ANO6: variants seen among roughly 807,000 people sequenced by gnomAD.
ANO6 encodes the protein anoctamin 6.
ANO6 carries 106 observed loss-of-function variants against 117.5 expected under a neutral mutation model. The observed-to-expected ratio is 0.90, with a 90% CI of 0.77 to 1.06. The LOEUF (loss-of-function observed/expected upper bound fraction) is 1.06. Among genes scored for constraint, ANO6 ranks in the 50% least tolerant of loss-of-function variants. ANO6 has a pLI of 0.00. For missense variants in ANO6, 955 were observed against 1,121.1 expected, an observed-to-expected ratio of 0.85 and a Z score of 2.12; for synonymous variants, 367 against 385.1, an observed-to-expected ratio of 0.95 and a Z score of 0.55.
At chr12:45,247,933 A>C (rs1483732186) in intron 1 of ANO6, among the ~76,000 whole-genome samples, 2 of 152,226 alleles carry the variant, frequency 1.3e-5, no homozygotes, top group Non-Finnish European at 2.9e-5. Flanking sequence ...AGATATAAGC[A>C]TGAACAGATA....
chr12:45,251,038 CT>C (rs1947893879), intron 1 of ANO6, among the ~76,000 whole-genome samples: 1 of 151,596 alleles, frequency 6.6e-6, no homozygotes, highest in South Asian at 2.1e-4. Context: ...GCGCTTCAAC[CT>C]GGGCAACAGA....
Position 45,216,257 on chromosome 12 carries a change from C to T in ANO6, c.-65C>T. On this transcript the variant is annotated 5_prime_UTR_variant, in exon 1 of 20. Coordinates refer to ENST00000320560, the MANE Select transcript of ANO6 (RefSeq NM_001025356.3). ...CCCGATCCGGCCCCTGGGAGAGCCG[C>T]GCCGTTCTGGAACCCGGGAGCCCCC... 1 of 1,541,800 alleles carries T rather than the reference C, an allele frequency of 6.5e-7. No individual in the cohort carries two copies. Among genetic ancestry groups the T allele is most frequent in the Non-Finnish European group, 8.8e-7 (1 of 1,135,842 alleles).
At chr12:45,314,642 T>C (rs1292447605) in intron 2 of ANO6, among the ~76,000 whole-genome samples, 1 of 151,816 alleles carries the variant, frequency 6.6e-6, no homozygotes, top group Admixed American at 6.6e-5. Flanking sequence ...AAGACTACAT[T>C]TTGGGAGGTA....
intron 2 of ANO6, among the ~76,000 whole-genome samples, chr12:45,308,031 C>CTGTGTG (rs530448808): frequency 8.5e-6 from 1 of 117,702 alleles, no homozygotes; most frequent in Admixed American, 1.1e-4. Flanking sequence ...GTGTGTGTGT[C>CTGTGTG]TGTGTGTGTG....
chr12:45,265,655 C>G (rs531983293), intron 1 of ANO6, among the ~76,000 whole-genome samples: 2 of 152,268 alleles, frequency 1.3e-5, no homozygotes, highest in East Asian at 3.9e-4. Flanking sequence ...CTTGTCATTT[C>G]TCTACCACCT....
intron 15 of ANO6, 138 bp from the exon 16 acceptor site, chr12:45,409,218 TA>T: frequency 8.6e-7 from 1 of 1,158,136 alleles, no homozygotes; most frequent in East Asian, 2.6e-5. Context: ...GAGGCAGAAA[TA>T]AAAACAAATT....
At chr12:45,409,883 G>A (rs1943042130) in intron 16 of ANO6, among the ~76,000 whole-genome samples, 1 of 152,122 alleles carries the variant, frequency 6.6e-6, no homozygotes, top group African/African-American at 2.4e-5. Flanking sequence ...AGCCTCCTGA[G>A]TAGCCGGGAT....
At chr12:45,407,940 A>T (rs1942983865) in intron 15 of ANO6, among the ~76,000 whole-genome samples, 1 of 152,052 alleles carries the variant, frequency 6.6e-6, no homozygotes, top group South Asian at 2.1e-4. Context: ...TGCCTCTCTA[A>T]CATCATCAAA....
intron 2 of ANO6, among the ~76,000 whole-genome samples, chr12:45,318,479 C>T (rs555184175): frequency 1.3e-5 from 2 of 152,174 alleles, no homozygotes; most frequent in Admixed American, 6.5e-5. Context: ...TTCCATTGGT[C>T]GATATCTCTG....
chr12:45,336,219 T>G (rs1940820287), intron 3 of ANO6, among the ~76,000 whole-genome samples: 1 of 152,074 alleles, frequency 6.6e-6, no homozygotes, highest in African/African-American at 2.4e-5. Context: ...CAAATGCTTT[T>G]TCTTATATCT....
At chr12:45,337,871 CAT>C (rs999124348) in intron 3 of ANO6, among the ~76,000 whole-genome samples, 50 of 151,972 alleles carry the variant, frequency 3.3e-4, no homozygotes, top group African/African-American at 9.4e-4. Flanking sequence ...TATTTTAAAA[CAT>C]GTTATACATA....
rs577018247 is a variant in ANO6 at position 45,365,835 on chromosome 12, G to C, written c.999-1853G>C. On this transcript the variant is annotated intron_variant, in intron 8 of 19. Coordinates refer to ENST00000320560, the MANE Select transcript of ANO6 (RefSeq NM_001025356.3). ...CAAGCACTTGCTCCTCAGATGACAT[G>C]AAGCACTTGCTCCTCAGATGACATC... Among the ~76,000 whole-genome samples the C allele has an allele frequency of 8.0e-5, 12 of 149,090 alleles. No individual in the cohort carries two copies. The South Asian group carries it at 9.1e-4, about 11-fold the overall frequency.
chr12:45,395,741 C>CACATGAT (rs1942593089), intron 12 of ANO6, among the ~76,000 whole-genome samples: 1 of 152,158 alleles, frequency 6.6e-6, no homozygotes, highest in Non-Finnish European at 1.5e-5. Flanking sequence ...TGACAAAAAC[C>CACATGAT]ACATGATTAT....
intron 1 of ANO6, among the ~76,000 whole-genome samples, chr12:45,239,065 T>G (rs982236279): frequency 6.6e-6 from 1 of 152,256 alleles, no homozygotes; most frequent in Non-Finnish European, 1.5e-5. Flanking sequence ...TAAAATGAGT[T>G]AGGGAGGATT....
chr12:45,311,672 A>G lies in ANO6; in HGVS notation c.150+9579A>G, dbSNP rs186821388. On this transcript the variant is annotated intron_variant, in intron 2 of 19. Coordinates refer to ENST00000320560, the MANE Select transcript of ANO6 (RefSeq NM_001025356.3). ...GAGCAACTAGATTTCATTTCAGTAG[A>G]AAGATTTTGTCATAATTAAAATACC... Among the ~76,000 whole-genome samples the G allele has an allele frequency of 1.8e-4, 28 of 152,180 alleles. No homozygotes were observed. In the East Asian group the frequency reaches 5.4e-3, roughly 29 times the overall value.
intron 1 of ANO6, among the ~76,000 whole-genome samples, chr12:45,298,691 T>C (rs1939378729): frequency 6.6e-6 from 1 of 152,236 alleles, no homozygotes; most frequent in Non-Finnish European, 1.5e-5. Context: ...AATCTATTAG[T>C]TTCCATTACC....
intron 1 of ANO6, among the ~76,000 whole-genome samples, chr12:45,293,517 C>A (rs999920111): frequency 4.6e-5 from 7 of 151,786 alleles, no homozygotes; most frequent in African/African-American, 1.7e-4. Flanking sequence ...AAAAAAAAAA[C>A]CTTTTTCCTA....
chr12:45,309,147 A>C (rs1031437792), intron 2 of ANO6, among the ~76,000 whole-genome samples: 2 of 152,084 alleles, frequency 1.3e-5, no homozygotes, highest in African/African-American at 4.8e-5. Context: ...GCATTAGTGC[A>C]TGAAAGGGAG....
chr12:45,352,560 T>TAAAAAA (rs5797940), intron 7 of ANO6, among the ~76,000 whole-genome samples: 66 of 93,892 alleles, frequency 7.0e-4, no homozygotes, highest in Middle Eastern at 6.1e-3. Flanking sequence ...GATCCAGTCT[T>TAAAAAA]AAAAAAAAAA....
Sources: gnomAD v4.1 joint callset for allele counts (sites outside exome capture counted in the v4.1 genomes callset) on GRCh38, gnomAD v4.1.1 for gene constraint, MANE v1.5 for transcripts, NCBI Gene and HGNC (gene_info 2026-07-23, HGNC 2026-07-21) for gene names.